Variants in MCTP2 observed in about 807,000 individuals in gnomAD.
The protein encoded by MCTP2 is multiple C2 and transmembrane domain-containing protein 2.
Under a neutral mutation model 111.6 loss-of-function variants are expected in MCTP2, and 132 were observed. The ratio of observed to expected loss-of-function variants is 1.18; its 90% CI spans 1.03 to 1.37. The LOEUF is 1.37. Among genes scored for constraint, MCTP2 ranks in the 40% most tolerant of loss-of-function variants. The pLI is 0.00. For synonymous variants in MCTP2, 395 were observed against 387.7 expected (o/e 1.02, Z -0.22); for missense variants, 1,183 against 1,067.9 (o/e 1.11, Z -1.50).
At chr15:94,387,525 G>C (rs1027262083) in intron 14 of MCTP2, among the ~76,000 whole-genome samples, 1 of 152,180 alleles carries the variant, frequency 6.6e-6, no homozygotes, top group East Asian at 1.9e-4. Flanking sequence ...AGGAGTCCTC[G>C]ATTGGGACTT....
chr15:94,401,984 T>TTA lies in MCTP2; in HGVS notation c.2050_2051insTA (p.Trp684LeufsTer6). On this transcript the variant is annotated frameshift_variant, in exon 17 of 23. Coordinates refer to ENST00000357742, the MANE Select transcript of MCTP2 (RefSeq NM_001385001.1). LOFTEE classifies it high-confidence loss of function. ...GCAGTTCCTTAAAAGCTGCTTCCAG[T>TTA]GGGAATCCACATTAAGAAGTACAAT... The TTA allele has an allele frequency of 6.2e-7, 1 of 1,613,626 alleles. No individual in the cohort carries two copies. Among genetic ancestry groups the TTA allele is most frequent in the Non-Finnish European group, 8.5e-7 (1 of 1,179,724 alleles).
chr15:94,415,253 A>G (rs77146589), intron 17 of MCTP2, among the ~76,000 whole-genome samples: 6 of 152,104 alleles, frequency 3.9e-5, no homozygotes, highest in East Asian at 1.9e-4. Flanking sequence ...CTCCTTGTCA[A>G]TTTTTGTCTT....
chr15:94,257,217 C>T (rs911287289), intron 1 of MCTP2, among the ~76,000 whole-genome samples: 3 of 152,156 alleles, frequency 2.0e-5, no homozygotes, highest in African/African-American at 7.2e-5. Flanking sequence ...TCTCTGCTCA[C>T]ATGCTCCCTC....
At chr15:94,311,143 G>C (rs980617450) in intron 2 of MCTP2, among the ~76,000 whole-genome samples, 3 of 151,184 alleles carry the variant, frequency 2.0e-5, no homozygotes, top group Non-Finnish European at 1.5e-5. Flanking sequence ...TCCTGCCTCA[G>C]CCTCCCGAGA....
chr15:94,339,065 AT>A (rs2077505074), intron 4 of MCTP2, among the ~76,000 whole-genome samples: 1 of 152,196 alleles, frequency 6.6e-6, no homozygotes, highest in Admixed American at 6.5e-5. Flanking sequence ...ATGAAAGAAA[AT>A]AAAAATTACT....
chr15:94,456,154 T>G (rs1286662092), intron 19 of MCTP2, among the ~76,000 whole-genome samples: 1 of 152,244 alleles, frequency 6.6e-6, no homozygotes, highest in African/African-American at 2.4e-5. Flanking sequence ...AGATGATAAG[T>G]TATTCTGTTA....
chr15:94,328,006 G>T (rs527434097), intron 4 of MCTP2, among the ~76,000 whole-genome samples: 1 of 152,102 alleles, frequency 6.6e-6, no homozygotes, highest in Non-Finnish European at 1.5e-5. Context: ...TTCCTGCTGC[G>T]TGTAAGAAAA....
chr15:94,301,028 C>T (rs888223188), intron 2 of MCTP2, among the ~76,000 whole-genome samples: 3 of 152,138 alleles, frequency 2.0e-5, no homozygotes, highest in East Asian at 1.9e-4. Context: ...ATGCAGAAAG[C>T]TTAGAATAGG....
At chr15:94,381,109 A>G (rs534291019) in intron 12 of MCTP2, among the ~76,000 whole-genome samples, 1 of 152,226 alleles carries the variant, frequency 6.6e-6, no homozygotes, top group Non-Finnish European at 1.5e-5. Context: ...TATGTATGTC[A>G]GTCTCCCTTG....
chr15:94,407,888 A>G (rs2081981903), intron 17 of MCTP2, among the ~76,000 whole-genome samples: 1 of 152,132 alleles, frequency 6.6e-6, no homozygotes, highest in South Asian at 2.1e-4. Context: ...TTGTGAAAGC[A>G]GTTTAGTAAA....
chr15:94,440,108 G>A lies in MCTP2; in HGVS notation c.2086-68G>A. 4.5e-6 allele frequency: 7 copies of A among 1,561,392 alleles called. No individual in the cohort carries two copies. The Admixed American group carries it at 1.0e-4, about 23-fold the overall frequency. On this transcript the variant is annotated intron_variant, in intron 17 of 22. Transcript: ENST00000357742. ...CAATTGAATCTCCTTACATCAATGA[G>A]TAGGAATTTGATTGCTCCCCTAGTG... is the stretch of plus-strand genomic sequence containing the variant.
chr15:94,414,244 AC>A (rs2082279231), intron 17 of MCTP2, among the ~76,000 whole-genome samples: 1 of 152,140 alleles, frequency 6.6e-6, no homozygotes, highest in Non-Finnish European at 1.5e-5. Context: ...TATATGCTGT[AC>A]CCTTGGATCC....
intron 7 of MCTP2, 67 bp downstream of exon 7, chr15:94,340,991 G>C (rs1394526127): frequency 1.0e-6 from 1 of 968,848 alleles, no homozygotes; most frequent in Non-Finnish European, 1.7e-6. Flanking sequence ...CATTGCAATT[G>C]TCCCTTGATA....
At chr15:94,388,983 G>A (rs900988036) in intron 14 of MCTP2, among the ~76,000 whole-genome samples, 4 of 152,160 alleles carry the variant, frequency 2.6e-5, no homozygotes, top group South Asian at 2.1e-4. Context: ...GTCGGGGTTG[G>A]GGGGTGGCAG....
chr15:94,467,852 G>A (rs1387375636), intron 20 of MCTP2, among the ~76,000 whole-genome samples: 1 of 152,248 alleles, frequency 6.6e-6, no homozygotes, highest in African/African-American at 2.4e-5. Context: ...GTGGAATAGA[G>A]AAGTTGGGAA....
intron 4 of MCTP2, among the ~76,000 whole-genome samples, chr15:94,319,469 C>T (rs1313455711): frequency 6.6e-6 from 1 of 152,178 alleles, no homozygotes; most frequent in Non-Finnish European, 1.5e-5. Flanking sequence ...TCTCTGAGCC[C>T]CGCACACAGA....
At chr15:94,253,040 G>T (rs2072543876) in intron 1 of MCTP2, among the ~76,000 whole-genome samples, 1 of 152,126 alleles carries the variant, frequency 6.6e-6, no homozygotes, top group Non-Finnish European at 1.5e-5. Context: ...GGGCACCTCT[G>T]CTTCCCTCAG....
intron 8 of MCTP2, among the ~76,000 whole-genome samples, chr15:94,352,136 C>G (rs1337738773): frequency 1.3e-5 from 2 of 152,202 alleles, no homozygotes; most frequent in Admixed American, 6.5e-5. Flanking sequence ...AATGACAGTA[C>G]ATTCCCTGTT....
intron 1 of MCTP2, among the ~76,000 whole-genome samples, chr15:94,261,924 T>C (rs1331093722): frequency 6.6e-6 from 1 of 152,204 alleles, no homozygotes; most frequent in Admixed American, 6.5e-5. Context: ...TATTACTTTA[T>C]TGGTTAGGAA....
Sources: gnomAD v4.1 joint callset for allele counts (sites outside exome capture counted in the v4.1 genomes callset) on GRCh38, gnomAD v4.1.1 for gene constraint, MANE v1.5 for transcripts, NCBI Gene and HGNC (gene_info 2026-07-23, HGNC 2026-07-21) for gene names.